The following NRG1 variants were observed in gnomAD, a reference collection of about 807,000 sequenced individuals.
The protein encoded by NRG1 is pro-neuregulin-1, membrane-bound isoform.
In NRG1, 18 loss-of-function variants were observed where a neutral mutation model predicts 63.8. That is an observed-to-expected ratio of 0.28 (90% CI 0.19 to 0.42). The LOEUF is 0.42. Among genes scored for constraint, NRG1 ranks in the 10% least tolerant of loss-of-function variants. NRG1 has a pLI of 1.00. For missense variants in NRG1, 762 were observed against 814.7 expected, an observed-to-expected ratio of 0.94 and a Z score of 0.79; for synonymous variants, 302 against 301.3, an observed-to-expected ratio of 1.00 and a Z score of -0.02.
intron 7 of NRG1, among the ~76,000 whole-genome samples, chr8:32,747,158 T>C (rs762447263): frequency 2.0e-5 from 3 of 152,280 alleles, no homozygotes; most frequent in Non-Finnish European, 4.4e-5. Context: ...TGCATGGGCA[T>C]GCTACTAATT....
chr8:31,666,994 G>A (rs563255866), intron 1 of NRG1, among the ~76,000 whole-genome samples: 64 of 152,278 alleles, frequency 4.2e-4, no homozygotes, highest in Non-Finnish European at 7.2e-4. Flanking sequence ...TAACTATTTA[G>A]CAGATAAGGA....
intron 1 of NRG1, among the ~76,000 whole-genome samples, chr8:32,070,293 G>A (rs1825563772): frequency 6.6e-6 from 1 of 152,110 alleles, no homozygotes; most frequent in South Asian, 2.1e-4. Flanking sequence ...TGATGCCTTG[G>A]AGAGGTTACT....
chr8:32,429,763 G>A (rs962530725), intron 1 of NRG1, among the ~76,000 whole-genome samples: 2 of 152,024 alleles, frequency 1.3e-5, no homozygotes, highest in African/African-American at 4.8e-5. Flanking sequence ...TCTGTTATAT[G>A]GTTTACCATC....
At chr8:32,394,427 T>A (rs571858413) in intron 1 of NRG1, among the ~76,000 whole-genome samples, 3 of 152,320 alleles carry the variant, frequency 2.0e-5, no homozygotes, top group Admixed American at 2.0e-4. Flanking sequence ...GTCACTAACC[T>A]TTAGTCCCTT....
intron 1 of NRG1, among the ~76,000 whole-genome samples, chr8:32,197,974 A>ACG (rs149587780): frequency 0.072 from 10,881 of 151,934 alleles, 699 homozygotes; most frequent in African/African-American, 0.17. Context: ...ACACGCATGC[A>ACG]CGCGCACACA....
chr8:32,739,372 A>G (rs1825833123), intron 6 of NRG1, among the ~76,000 whole-genome samples: 1 of 152,202 alleles, frequency 6.6e-6, no homozygotes, highest in Admixed American at 6.5e-5. Context: ...ACAGGGTCTT[A>G]TAACACTAAG....
intron 1 of NRG1, among the ~76,000 whole-genome samples, chr8:32,582,124 G>T (rs968481827): frequency 3.9e-5 from 2 of 51,438 alleles, no homozygotes; most frequent in Non-Finnish European, 1.0e-4. Flanking sequence ...TTGAGACAGG[G>T]TCTTGCTCTG....
At chr8:32,722,132 G>A (rs963273247) in intron 5 of NRG1, 47 of 1,099,026 alleles carry the variant, frequency 4.3e-5, no homozygotes, top group Middle Eastern at 2.6e-4. Context: ...AGCAAATGGC[G>A]TAGAGTTATT....
At chr8:32,508,345 T>C (rs182747652) in intron 1 of NRG1, among the ~76,000 whole-genome samples, 5 of 151,554 alleles carry the variant, frequency 3.3e-5, no homozygotes, top group African/African-American at 1.2e-4. Context: ...GGCTGGAGTG[T>C]AGTGGTGCGA....
intron 1 of NRG1, among the ~76,000 whole-genome samples, chr8:31,768,846 C>T (rs1279082279): frequency 6.6e-6 from 1 of 152,178 alleles, no homozygotes; most frequent in African/African-American, 2.4e-5. Flanking sequence ...ATAGAAGAGT[C>T]AACATTTATG....
chr8:31,847,587 G>T (rs1503497), intron 1 of NRG1, among the ~76,000 whole-genome samples: 109,983 of 152,124 alleles, frequency 0.72, 40,602 homozygotes, highest in East Asian at 0.99. Context: ...GCCAGTCTTT[G>T]CTCATGTCAC....
chr8:31,988,044 A>G (rs759890828), intron 1 of NRG1, among the ~76,000 whole-genome samples: 24 of 152,162 alleles, frequency 1.6e-4, no homozygotes, highest in Non-Finnish European at 3.1e-4. Flanking sequence ...ACTGCCCCAA[A>G]GGACACTAAC....
At chr8:32,259,324 C>A (rs1275846926) in intron 1 of NRG1, among the ~76,000 whole-genome samples, 1 of 152,268 alleles carries the variant, frequency 6.6e-6, no homozygotes, top group East Asian at 1.9e-4. Flanking sequence ...ACATTAATGT[C>A]ATTATTGCAG....
chr8:32,664,776 G>C (rs1338500131), intron 5 of NRG1, among the ~76,000 whole-genome samples: 1 of 152,096 alleles, frequency 6.6e-6, no homozygotes, highest in African/African-American at 2.4e-5. Context: ...GGAAGGAAAC[G>C]ATTCCATGCA....
intron 11 of NRG1, chr8:32,761,013 T>G (rs1589646499): frequency 2.0e-6 from 2 of 985,320 alleles, no homozygotes; most frequent in African/African-American, 3.5e-5. Flanking sequence ...TCACGGGTGG[T>G]TTTCAAAGCA....
At chr8:31,959,856 A>G (rs1411038653) in intron 1 of NRG1, among the ~76,000 whole-genome samples, 1 of 148,342 alleles carries the variant, frequency 6.7e-6, no homozygotes, top group Non-Finnish European at 1.5e-5. Flanking sequence ...ATGGAGTCTC[A>G]CTATGCTGCC....
chr8:31,768,475 A>T (rs929621086), intron 1 of NRG1, among the ~76,000 whole-genome samples: 1 of 152,184 alleles, frequency 6.6e-6, no homozygotes, highest in Non-Finnish European at 1.5e-5. Context: ...TTGGTGCATC[A>T]TCTGTGAAGA....
chr8:31,737,807 G>A lies in NRG1; in HGVS notation c.37+98376G>A, dbSNP rs143110780. Among the ~76,000 whole-genome samples the A allele has an allele frequency of 7.2e-4, 110 of 152,108 alleles. No individual in the cohort carries two copies. The East Asian group carries it at 0.015, about 21-fold the overall frequency. ...GTCCCCTAAGATTTGACAAGAAAGC[G>A]TTCCACAGTTCAATATATTTGGAAA... On this transcript the variant is annotated intron_variant, in intron 1 of 10. Transcript: ENST00000519301.
At chr8:31,917,113 T>C (rs1320499189) in intron 1 of NRG1, among the ~76,000 whole-genome samples, 3 of 127,824 alleles carry the variant, frequency 2.3e-5, no homozygotes, top group African/African-American at 8.7e-5. Context: ...TAGCCCTTTG[T>C]CAGATGAATA....
Sources: gnomAD v4.1 joint callset for allele counts (sites outside exome capture counted in the v4.1 genomes callset) on GRCh38, gnomAD v4.1.1 for gene constraint, MANE v1.5 for transcripts, NCBI Gene and HGNC (gene_info 2026-07-23, HGNC 2026-07-21) for gene names.